The following C8orf34 variants were observed in gnomAD, a reference collection of about 807,000 sequenced individuals.
The protein encoded by C8orf34 is uncharacterized protein C8orf34.
C8orf34 carries 65 observed loss-of-function variants against 68.3 expected under a neutral mutation model. That is an observed-to-expected ratio of 0.95 (90% CI 0.78 to 1.17). The LOEUF is 1.17. Among genes scored for constraint, C8orf34 ranks in the 50% most tolerant of loss-of-function variants. The probability of loss-of-function intolerance (pLI) is 0.00; values close to 1 mark genes in which losing one functional copy is unlikely to be tolerated. For synonymous variants in C8orf34, 244 were observed against 241.2 expected (o/e 1.01, Z -0.11); for missense variants, 664 against 655.4 (o/e 1.01, Z -0.14).
At chr8:68,652,444 A>G (rs552406887) in intron 8 of C8orf34, among the ~76,000 whole-genome samples, 1 of 152,306 alleles carries the variant, frequency 6.6e-6, no homozygotes, top group Non-Finnish European at 1.5e-5. Context: ...GTTTTCTGCT[A>G]TCACTTAGGC....
Position 68,471,705 on chromosome 8 carries a change from G to A in C8orf34, c.736+2885G>A, listed in dbSNP as rs572845578. 4.6e-5 allele frequency among the ~76,000 whole-genome samples: 7 copies of A among 152,052 alleles called. No homozygotes were observed. In the South Asian group the frequency reaches 1.0e-3, roughly 23 times the overall value. On this transcript the variant is annotated intron_variant, in intron 4 of 13. Transcript: ENST00000518698. ...ACACTGTGGACCTTTCTTTCCAGTGGCATAATCATTGATGCAAAAGGCTGA... is the reference window on the plus strand; with the variant it reads ...ACACTGTGGACCTTTCTTTCCAGTGACATAATCATTGATGCAAAAGGCTGA...
intron 11 of C8orf34, among the ~76,000 whole-genome samples, chr8:68,782,642 A>G (rs1823712821): frequency 6.6e-6 from 1 of 152,190 alleles, no homozygotes; most frequent in Non-Finnish European, 1.5e-5. Context: ...CCCCTGGGGC[A>G]GTGAGTTTCT....
chr8:68,761,306 A>T (rs1823017026), intron 10 of C8orf34, among the ~76,000 whole-genome samples: 1 of 152,166 alleles, frequency 6.6e-6, no homozygotes. Flanking sequence ...CCCAGTGGGG[A>T]ACCCCTTCTG....
chr8:68,426,181 A>C (rs1186671243), intron 1 of C8orf34, among the ~76,000 whole-genome samples: 1 of 152,082 alleles, frequency 6.6e-6, no homozygotes, highest in Non-Finnish European at 1.5e-5. Context: ...AAATAAGACC[A>C]CATCAAAATT....
intron 5 of C8orf34, among the ~76,000 whole-genome samples, chr8:68,519,906 A>T (rs1586306792): frequency 6.6e-6 from 1 of 152,236 alleles, no homozygotes; most frequent in African/African-American, 2.4e-5. Context: ...AAATGTTTAT[A>T]GATTTTTAAA....
intron 10 of C8orf34, among the ~76,000 whole-genome samples, chr8:68,727,904 T>C (rs1188939944): frequency 2.6e-5 from 4 of 152,214 alleles, no homozygotes; most frequent in South Asian, 4.1e-4. Context: ...AGAAGTTCTC[T>C]GACATGGCCT....
intron 4 of C8orf34, among the ~76,000 whole-genome samples, chr8:68,481,614 C>T (rs919575440): frequency 1.3e-5 from 2 of 152,252 alleles, no homozygotes; most frequent in African/African-American, 4.8e-5. Context: ...CCACCTCTTA[C>T]ATCAGCGTGA....
At chr8:68,441,029 C>T (rs1320031312) in intron 2 of C8orf34, among the ~76,000 whole-genome samples, 4 of 152,196 alleles carry the variant, frequency 2.6e-5, no homozygotes, top group Non-Finnish European at 5.9e-5. Flanking sequence ...TGGTCTCGAT[C>T]TCCTGACCTC....
rs146643054 is a variant in C8orf34 at position 68,552,582 on chromosome 8, G to C, written c.1105+19433G>C. 6.0e-4 allele frequency among the ~76,000 whole-genome samples: 91 copies of C among 152,072 alleles called. No individual in the cohort carries two copies. The East Asian group carries it at 0.014, about 23-fold the overall frequency. On this transcript the variant is annotated intron_variant, in intron 7 of 13. Transcript: ENST00000518698. The stretch of plus-strand genomic sequence containing the variant: ...TTTGTCAGTTATCATAGGTTTTTTA[G>C]TGGTTATTTAGGATTTTCTATATAC...
intron 4 of C8orf34, among the ~76,000 whole-genome samples, chr8:68,483,237 C>CTGTGTTTTGAAATAAGTTTCTGATACTAA (rs1323377339): frequency 2.6e-5 from 4 of 152,128 alleles, no homozygotes; most frequent in Admixed American, 1.3e-4. Context: ...AATATGAGAA[C>CTGTGTTTTGAAATAAGTTTCTGATACTAA]TGTGTTTTGA....
At chr8:68,813,645 C>A (rs1053761131) in intron 12 of C8orf34, among the ~76,000 whole-genome samples, 1 of 152,214 alleles carries the variant, frequency 6.6e-6, no homozygotes, top group Middle Eastern at 3.4e-3. Flanking sequence ...TTGCTTCTCT[C>A]CATTGCCCTG....
rs190372008 is a variant in C8orf34, at chr8:68,782,152, C to A, written c.1456-5291C>A. Reference sequence around the variant, plus strand: ...CGCAATTTCATTTTCCCTTATGTATCCAAAATGTCTATTTTTCATATTTCT... The same window carrying A: ...CGCAATTTCATTTTCCCTTATGTATACAAAATGTCTATTTTTCATATTTCT... On this transcript the variant is annotated intron_variant, in intron 11 of 13. Transcript: ENST00000518698. Among the ~76,000 whole-genome samples the A allele has an allele frequency of 8.7e-4, 132 of 152,242 alleles. 1 individual carries two copies. Among genetic ancestry groups the A allele is most frequent in the African/African-American group, 3.1e-3 (130 of 41,556 alleles).
chr8:68,671,375 G>T (rs1820003112), intron 8 of C8orf34, among the ~76,000 whole-genome samples: 1 of 152,152 alleles, frequency 6.6e-6, no homozygotes, highest in South Asian at 2.1e-4. Flanking sequence ...TGAAAATTGT[G>T]CTGGTGCCAC....
Position 68,771,363 on chromosome 8 carries a change from A to G in C8orf34, c.1405-5036A>G, listed in dbSNP as rs530079653. Among the ~76,000 whole-genome samples the G allele has an allele frequency of 2.0e-5, 3 of 152,332 alleles. No individual in the cohort carries two copies. In the South Asian group the frequency reaches 6.2e-4, roughly 32 times the overall value. On this transcript the variant is annotated intron_variant, in intron 10 of 13. Transcript: ENST00000518698. ...TATCATAAATGTGGTAACTCTGTGT[A>G]ATAATGCAGTGAGAAAACACAACAT...
At chr8:68,705,329 A>G (rs1821131949) in intron 8 of C8orf34, among the ~76,000 whole-genome samples, 1 of 152,308 alleles carries the variant, frequency 6.6e-6, no homozygotes, top group African/African-American at 2.4e-5. Flanking sequence ...GGCCTTGGAT[A>G]GAGCTGAGGG....
At chr8:68,597,464 G>C (rs529131091) in intron 7 of C8orf34, among the ~76,000 whole-genome samples, 2 of 152,120 alleles carry the variant, frequency 1.3e-5, no homozygotes, top group East Asian at 3.9e-4. Context: ...TAGAAAGCAT[G>C]AACTTTACAT....
rs139290106 is a variant in C8orf34, at chr8:68,536,417, A to G, written c.1105+3268A>G. Among the ~76,000 whole-genome samples, 655 of 150,068 alleles carry G rather than the reference A, an allele frequency of 4.4e-3. 6 individuals are homozygous for G. Among genetic ancestry groups the G allele is most frequent in the Admixed American group, 0.029 (434 of 14,988 alleles). ...AGAAAAGATCTATAAAAATCCCTGT[A>G]TATTTTACTACATTAATTATCAGAG... On this transcript the variant is annotated intron_variant, in intron 7 of 13. Transcript: ENST00000518698.
chr8:68,718,992 A>T (rs758611745), intron 9 of C8orf34, among the ~76,000 whole-genome samples: 3 of 152,176 alleles, frequency 2.0e-5, no homozygotes, highest in Non-Finnish European at 2.9e-5. Context: ...TAGCTAAAAA[A>T]ATTACTTACA....
intron 1 of C8orf34, among the ~76,000 whole-genome samples, chr8:68,421,056 A>C (rs1168811720): frequency 6.6e-6 from 1 of 152,192 alleles, no homozygotes; most frequent in Non-Finnish European, 1.5e-5. Context: ...CATAGATTTA[A>C]AAGCCTAATA....
Sources: allele counts gnomAD v4.1 joint callset (sites outside exome capture counted in the v4.1 genomes callset), GRCh38; gene constraint gnomAD v4.1.1; transcripts MANE v1.5; gene names NCBI Gene and HGNC (gene_info 2026-07-23, HGNC 2026-07-21).